COX7A2L: variants seen among roughly 807,000 people sequenced by gnomAD.
The protein encoded by COX7A2L is cytochrome c oxidase subunit 7A2-like, mitochondrial.
In COX7A2L, 18 loss-of-function variants were observed where a neutral mutation model predicts 14.2. That is an observed-to-expected ratio of 1.27 (90% CI 0.88 to 1.88). The LOEUF (loss-of-function observed/expected upper bound fraction) is 1.88. COX7A2L is among the 40% of genes most tolerant of loss of function. The pLI, the probability that COX7A2L is intolerant of heterozygous loss-of-function variation, is 0.00. For missense variants in COX7A2L, 179 were observed against 138.8 expected, an observed-to-expected ratio of 1.29 and a Z score of -1.46; for synonymous variants, 65 against 57.4, an observed-to-expected ratio of 1.13 and a Z score of -0.60.
rs1670367928 is a variant in COX7A2L, at chr2:42,339,903, C to T, written c.193-6034G>A. 1.3e-5 allele frequency among the ~76,000 whole-genome samples: 2 copies of T among 152,142 alleles called. No individual in the cohort carries two copies. The highest frequency in any genetic ancestry group is 6.5e-5 in the Admixed American group (1 of 15,282). ...TCCACCTTCCTCTGTTCACACAACC[C>T]GTGAACCTCGCTGCTCTCTTCCTCT... On this transcript the variant is annotated intron_variant, in intron 2 of 2. Transcript: ENST00000468711. The surrounding 1 kb of genome is among the most constrained non-coding windows in gnomAD (Gnocchi z 5.4).
chr2:42,358,223 T>G (rs1426857092), intron 1 of COX7A2L, among the ~76,000 whole-genome samples: 1 of 152,252 alleles, frequency 6.6e-6, no homozygotes, highest in Non-Finnish European at 1.5e-5. Flanking sequence ...GGTTGTGATT[T>G]GCTCTAATAA....
chr2:42,365,951 T>G (rs1450551685), upstream of COX7A2L: 2 of 152,142 alleles, frequency 1.3e-5, no homozygotes, highest in Non-Finnish European at 2.9e-5. Context: ...CTGGGAGAAA[T>G]GAGCAACCAC....
chr2:42,351,459 T>A, intron 2 of COX7A2L, 100 bp from the exon 3 acceptor site: 1 of 1,353,878 alleles, frequency 7.4e-7, no homozygotes. Context: ...AAGTAATTCA[T>A]CAACACATGA....
intron 2 of COX7A2L, among the ~76,000 whole-genome samples, chr2:42,341,268 C>T (rs1335589563): frequency 6.6e-6 from 1 of 152,084 alleles, no homozygotes; most frequent in Middle Eastern, 3.2e-3. Context: ...CACATCTACC[C>T]CTTGGCAGGA....
downstream of COX7A2L, among the ~76,000 whole-genome samples, chr2:42,346,406 G>C (rs1297270350): frequency 1.3e-5 from 2 of 152,172 alleles, no homozygotes; most frequent in African/African-American, 4.8e-5. Context: ...CTTGCAATCA[G>C]AAGAGGTTTG....
intron 2 of COX7A2L, among the ~76,000 whole-genome samples, chr2:42,335,981 C>T (rs1259539754): frequency 1.2e-4 from 18 of 152,224 alleles, no homozygotes; most frequent in Admixed American, 1.2e-3. Context: ...GCCTGTTCTT[C>T]CTGCCTTCTC....
chr2:42,361,261 C>G, upstream of COX7A2L: 1 of 1,160,930 alleles, frequency 8.6e-7, no homozygotes, highest in South Asian at 1.4e-5. Flanking sequence ...GCGCAAGGAC[C>G]CGGTGCTGGG....
chr2:42,344,312 C>T (rs866812263), intron 2 of COX7A2L, among the ~76,000 whole-genome samples: 2 of 152,198 alleles, frequency 1.3e-5, no homozygotes, highest in African/African-American at 2.4e-5. Flanking sequence ...TCTGCTTACA[C>T]GTGTTTTTCC....
chr2:42,344,352 CA>C (rs1238920539), downstream of COX7A2L, among the ~76,000 whole-genome samples: 1 of 152,150 alleles, frequency 6.6e-6, no homozygotes, highest in African/African-American at 2.4e-5. Context: ...AACTCTGTCC[CA>C]AAACATTTAC....
At chr2:42,353,118 T>A (rs1670698739) in intron 2 of COX7A2L, 94 bp downstream of exon 2, 16 of 1,426,010 alleles carry the variant, frequency 1.1e-5, no homozygotes, top group Non-Finnish European at 1.5e-5. Context: ...AGAAGGAGGG[T>A]GGGTAGTAAA....
At chr2:42,351,872 A>G (rs1254170239) in intron 2 of COX7A2L, among the ~76,000 whole-genome samples, 1 of 152,088 alleles carries the variant, frequency 6.6e-6, no homozygotes, top group Non-Finnish European at 1.5e-5. Context: ...GGGACTTCCT[A>G]TTAGGGAAGC....
downstream of COX7A2L, among the ~76,000 whole-genome samples, chr2:42,347,067 T>C (rs975582475): frequency 5.3e-5 from 8 of 152,156 alleles, no homozygotes; most frequent in Non-Finnish European, 8.8e-5. Flanking sequence ...GGTTTCACCA[T>C]GTTGCCCAGG....
chr2:42,355,142 G>C (rs1319039538), intron 1 of COX7A2L, among the ~76,000 whole-genome samples: 1 of 152,288 alleles, frequency 6.6e-6, no homozygotes, highest in East Asian at 1.9e-4. Context: ...TAAAGAGAAA[G>C]TTTGGTCAGT....
chr2:42,337,892 C>T (rs1233835943), intron 2 of COX7A2L, among the ~76,000 whole-genome samples: 2 of 152,212 alleles, frequency 1.3e-5, no homozygotes, highest in Admixed American at 1.3e-4. Flanking sequence ...TCAGAGGAGG[C>T]AGTGCGGACC....
upstream of COX7A2L, chr2:42,361,224 C>A: frequency 6.8e-7 from 1 of 1,479,658 alleles, no homozygotes; most frequent in South Asian, 1.2e-5. Context: ...AAGGACCCCG[C>A]CTCCCCGGCT....
In COX7A2L at chr2:42,350,101, T is replaced by C. The variant is rs1008168630; in HGVS notation, c.*1118A>G. 6.6e-6 allele frequency: 1 copy of C among 152,110 alleles called. No individual in the cohort carries two copies. The highest frequency in any genetic ancestry group is 2.4e-5 in the African/African-American group (1 of 41,412). 9.4% of individuals were successfully genotyped at this position (152,110 alleles called of 1,614,324 possible). ...AGAGATATCACTGCAAGGCTACTATTGAGTATTTTCAAATCACCACATCTT... is the reference window on the plus strand; with the variant it reads ...AGAGATATCACTGCAAGGCTACTATCGAGTATTTTCAAATCACCACATCTT... On this transcript the variant is annotated 3_prime_UTR_variant, in exon 3 of 3. Coordinates refer to ENST00000234301, the MANE Select transcript of COX7A2L (RefSeq NM_004718.4).
At chr2:42,357,828 T>C (rs531917029) in intron 1 of COX7A2L, among the ~76,000 whole-genome samples, 1 of 152,236 alleles carries the variant, frequency 6.6e-6, no homozygotes, top group Admixed American at 6.5e-5. Flanking sequence ...CTGCATCAAG[T>C]TGCTCTGCAA....
In COX7A2L at chr2:42,349,974, T is replaced by C. The variant is rs1670586850; in HGVS notation, c.*1245A>G. 6.6e-6 allele frequency: 1 copy of C among 152,190 alleles called. No homozygotes were observed. The highest frequency in any genetic ancestry group is 1.5e-5 in the Non-Finnish European group (1 of 68,026). 9.4% of individuals were successfully genotyped at this position (152,190 alleles called of 1,614,324 possible). A position where few individuals can be genotyped will look rare whatever the true frequency, so the allele number is the denominator to read the frequency against. On this transcript the variant is annotated 3_prime_UTR_variant, in exon 3 of 3. Transcript: ENST00000234301. ...TCTAAGTGAAGGATATACAGGTGTA[T>C]ATTGTACTATGCTTAGTCCTTCTGT... is the stretch of plus-strand genomic sequence containing the variant.
intron 2 of COX7A2L, among the ~76,000 whole-genome samples, chr2:42,340,545 T>A (rs770944505): frequency 1.3e-5 from 2 of 152,042 alleles, no homozygotes; most frequent in Non-Finnish European, 1.5e-5. Flanking sequence ...GCCCCAGGAA[T>A]GTGCTCCGTA....
Sources: allele counts gnomAD v4.1 joint callset (sites outside exome capture counted in the v4.1 genomes callset), GRCh38; gene constraint gnomAD v4.1.1; non-coding constraint Gnocchi (gnomAD v3.1); transcripts MANE v1.5; gene names NCBI Gene and HGNC (gene_info 2026-07-23, HGNC 2026-07-21).